Variants in TFR2 observed in about 807,000 individuals in gnomAD.
TFR2 encodes the protein transferrin receptor 2, also known as transferrin receptor protein 2.
A neutral mutation model predicts 91.9 loss-of-function variants in TFR2; 64 were observed. That is an observed-to-expected ratio of 0.70 (90% CI 0.57 to 0.86). The LOEUF (loss-of-function observed/expected upper bound fraction) is 0.86, where lower values mean the gene tolerates loss of function less well. Among genes scored for constraint, TFR2 ranks in the 40% least tolerant of loss-of-function variants. TFR2 has a pLI of 0.00. For synonymous variants in TFR2, 454 were observed against 459.6 expected (o/e 0.99, Z 0.15); for missense variants, 950 against 1,080.5 (o/e 0.88, Z 1.69).
In TFR2 at chr7:100,627,923, T is replaced by C. The variant is rs775222082; in HGVS notation, c.1589A>G (p.Glu530Gly). The C allele has an allele frequency of 1.2e-6, 2 of 1,613,904 alleles. No homozygotes were observed. Among genetic ancestry groups the C allele is most frequent in the African/African-American group, 1.3e-5 (1 of 74,874 alleles). Residue 530 changes from glutamate to glycine, a missense_variant, in exon 13 of 18, where the codon GAG becomes GGG. Coordinates refer to ENST00000223051, the MANE Select transcript of TFR2 (RefSeq NM_003227.4). ...TGCTCTTGCCTGCTTCAGGACACTC[T>C]CAATGAGACTTGTCAGAAGGGGGCT... ...KTSPLLTSLI[E>G]SVLKQVDSPN...
rs1312006597 is a variant in TFR2, at chr7:100,640,958, G to A, written c.286+18C>T. 6.2e-7 allele frequency: 1 copy of A among 1,612,894 alleles called. No homozygotes were observed. Among genetic ancestry groups the A allele is most frequent in the East Asian group, 2.2e-5 (1 of 44,866 alleles). ...CCAGCCCAAGCCCTTCACTTCTGGG[G>A]AGGGGGACGGCTCTCACCCCCAGTG... is the stretch of plus-strand genomic sequence containing the variant. On this transcript the variant is annotated intron_variant, in intron 2 of 17. Coordinates refer to ENST00000223051, the MANE Select transcript of TFR2 (RefSeq NM_003227.4).
intron 17 of TFR2, among the ~76,000 whole-genome samples, chr7:100,622,894 C>CGTTGCA (rs1239960850): frequency 6.6e-6 from 1 of 152,080 alleles, no homozygotes; most frequent in Non-Finnish European, 1.5e-5. Flanking sequence ...AAGAGGCGGA[C>CGTTGCA]GTTGCAGTGA....
chr7:100,634,224 C>T (rs890927118), intron 3 of TFR2, among the ~76,000 whole-genome samples: 3 of 107,480 alleles, frequency 2.8e-5, no homozygotes, highest in Non-Finnish European at 5.8e-5. Flanking sequence ...ACACACAGCA[C>T]CCAAACACTT....
At chr7:100,635,729 G>T (rs1300665738) in intron 3 of TFR2, among the ~76,000 whole-genome samples, 1 of 152,068 alleles carries the variant, frequency 6.6e-6, no homozygotes, top group Non-Finnish European at 1.5e-5. Flanking sequence ...CTCCCAAAGT[G>T]CTGGGATTAC....
At chr7:100,626,613 C>A (rs1803256774) in intron 17 of TFR2, 150 bp downstream of exon 17, 6 of 1,456,406 alleles carry the variant, frequency 4.1e-6, no homozygotes, top group Admixed American at 2.3e-5. Flanking sequence ...ATGAGCACTG[C>A]GTGTCCAGGA....
At chr7:100,638,490 C>T (rs1350944714) in intron 3 of TFR2, among the ~76,000 whole-genome samples, 2 of 151,842 alleles carry the variant, frequency 1.3e-5, no homozygotes, top group East Asian at 3.9e-4. Context: ...TGGCTCATGC[C>T]TGTAATCCCT....
intron 10 of TFR2, 36 bp from the exon 11 acceptor site, chr7:100,628,342 G>T (rs911377363): frequency 1.9e-6 from 3 of 1,603,784 alleles, no homozygotes; most frequent in African/African-American, 1.3e-5. Flanking sequence ...GGCTTAGCAG[G>T]GGCCAAGCAA....
rs41303504 is a variant in TFR2 at position 100,629,015 on chromosome 7, G to A, written c.1390+238C>T. ...TGACCTCAGGTGATCCATCTGCCTC[G>A]GCCTCCCAAAGTGCTGGGACTACAG... On this transcript the variant is annotated intron_variant, in intron 10 of 17. Coordinates refer to ENST00000223051, the MANE Select transcript of TFR2 (RefSeq NM_003227.4). Among the ~76,000 whole-genome samples the A allele has an allele frequency of 1.6e-4, 25 of 152,232 alleles. No individual in the cohort carries two copies. The East Asian group carries it at 4.8e-3, about 29-fold the overall frequency.
chr7:100,626,365 C>T (rs1214484022), intron 17 of TFR2: 7 of 775,630 alleles, frequency 9.0e-6, no homozygotes, highest in African/African-American at 1.9e-5. Flanking sequence ...ATATCTTTAG[C>T]CTTCTGCACT....
chr7:100,634,285 A>G (rs995173056), intron 3 of TFR2, among the ~76,000 whole-genome samples: 24 of 150,414 alleles, frequency 1.6e-4, no homozygotes, highest in African/African-American at 5.9e-4. Flanking sequence ...CATCTCCCCC[A>G]TCCTCCACGT....
At position 100,638,075 on chromosome 7, in the gene TFR2, T is replaced by C. The variant is rs569245243; in HGVS notation, c.473+2611A>G. Among the ~76,000 whole-genome samples, 23 of 151,324 alleles carry C rather than the reference T, an allele frequency of 1.5e-4. No individual in the cohort carries two copies. The East Asian group carries it at 4.3e-3, about 29-fold the overall frequency. On this transcript the variant is annotated intron_variant, in intron 3 of 17. Coordinates refer to ENST00000223051, the MANE Select transcript of TFR2 (RefSeq NM_003227.4). ...CTGGAGTGCAGTGGCGCGATCTCGG[T>C]TCACTGCAAGCTCCGCCTCCCGGGT...
At chr7:100,628,168 C>G in intron 11 of TFR2, 32 bp from the exon 12 acceptor site, 1 of 1,613,484 alleles carries the variant, frequency 6.2e-7, no homozygotes, top group Non-Finnish European at 8.5e-7. Context: ...GGAGTGGGAA[C>G]CCCCCACCCC....
chr7:100,627,243 A>G lies in TFR2; in HGVS notation c.1995+21T>C, dbSNP rs769498761. 2.6e-6 allele frequency: 4 copies of G among 1,547,632 alleles called. No homozygotes were observed. In the South Asian group the frequency reaches 3.6e-5, roughly 14 times the overall value. Reference sequence around the variant, plus strand: ...GTGCCTCCCACTCCCAGAGACCAAGAGCGGGGTGGGCCTCTTGAACCTTGA... The same window carrying G: ...GTGCCTCCCACTCCCAGAGACCAAGGGCGGGGTGGGCCTCTTGAACCTTGA... On this transcript the variant is annotated intron_variant, in intron 16 of 17. Coordinates refer to ENST00000223051, the MANE Select transcript of TFR2 (RefSeq NM_003227.4).
chr7:100,641,433 TAGAG>T, intron 1 of TFR2, 40 bp downstream of exon 1: 1 of 1,612,232 alleles, frequency 6.2e-7, no homozygotes, highest in South Asian at 1.1e-5. Context: ...CTGAGGGACT[TAGAG>T]AGAAGGCCTA....
At chr7:100,637,268 G>A (rs763857619) in intron 3 of TFR2, among the ~76,000 whole-genome samples, 20 of 151,974 alleles carry the variant, frequency 1.3e-4, no homozygotes, top group South Asian at 4.1e-4. Context: ...GTGTCGTGGC[G>A]CATGACTGTA....
At chr7:100,637,100 T>TA (rs910430472) in intron 3 of TFR2, among the ~76,000 whole-genome samples, 339 of 151,750 alleles carry the variant, frequency 2.2e-3, no homozygotes, top group Non-Finnish European at 3.6e-3. Context: ...ACCCTGTCCC[T>TA]AAAAAAAATA....
chr7:100,627,919 A>C lies in TFR2; in HGVS notation c.1593T>G (p.Ser531Arg). Reference protein sequence around the residue: ...TSPLLTSLIESVLKQVDSPNH... With the variant: ...TSPLLTSLIERVLKQVDSPNH... The stretch of plus-strand genomic sequence containing the variant: ...GGGGTGCTCTTGCCTGCTTCAGGAC[A>C]CTCTCAATGAGACTTGTCAGAAGGG... The change falls in exon 13 of 18, where the codon AGT (serine) becomes AGG (arginine). Residue 531 changes from serine (S) to arginine (R), a missense_variant. Ser to Arg is a moderately radical substitution (Grantham distance 110). Coordinates refer to ENST00000223051, the MANE Select transcript of TFR2 (RefSeq NM_003227.4). 5.6e-6 allele frequency: 9 copies of C among 1,613,732 alleles called. No homozygotes were observed. Among genetic ancestry groups the C allele is most frequent in the Non-Finnish European group, 7.6e-6 (9 of 1,179,898 alleles).
At chr7:100,627,199 G>T in intron 16 of TFR2, 65 bp downstream of exon 16, 1 of 1,498,192 alleles carries the variant, frequency 6.7e-7, no homozygotes, top group Non-Finnish European at 9.1e-7. Context: ...AGAAGGGGCT[G>T]GACCCCCTGG....
chr7:100,634,499 C>T (rs1803537648), intron 3 of TFR2, among the ~76,000 whole-genome samples: 1 of 152,178 alleles, frequency 6.6e-6, no homozygotes, highest in African/African-American at 2.4e-5. Context: ...AAGCGATCCT[C>T]CCAAAGTGCT....
Sources: gnomAD v4.1 joint callset for allele counts (sites outside exome capture counted in the v4.1 genomes callset) on GRCh38, gnomAD v4.1.1 for gene constraint, MANE v1.5 for transcripts, NCBI Gene and HGNC (gene_info 2026-07-23, HGNC 2026-07-21) for gene names.